PAQR9: variants seen among roughly 807,000 people sequenced by gnomAD.
PAQR9 encodes the protein progestin and adipoQ receptor family member 9.
Under a neutral mutation model 24.0 loss-of-function variants are expected in PAQR9, and 12 were observed. The observed-to-expected ratio is 0.50, with a 90% CI of 0.32 to 0.81. PAQR9 has a LOEUF of 0.81. PAQR9 is among the 30% of genes least tolerant of loss of function. The pLI is 0.03. For missense variants in PAQR9, 418 were observed against 520.8 expected (o/e 0.80, Z 1.92); for synonymous variants, 266 against 237.6 (o/e 1.12, Z -1.10).
chr3:142,949,179 C>T (rs1934683004), exon 3 of PAQR9: 1 of 152,184 alleles, frequency 6.6e-6, no homozygotes, highest in Non-Finnish European at 1.5e-5. Context: ...TGGCTTATTA[C>T]CTGTATCTGT....
rs2108241982 is a variant in PAQR9, at chr3:142,960,256, C to T, written c.*1947G>A. ...GAATTGTGCTGAGCTTCTCTGTTTA[C>T]AGAGAAGTGATTAAAAGCATAAACA... is the stretch of plus-strand genomic sequence containing the variant. On this transcript the variant is annotated 3_prime_UTR_variant, in exon 1 of 1. Coordinates refer to ENST00000340634, the MANE Select transcript of PAQR9 (RefSeq NM_198504.4). 1 of 152,318 alleles carries T rather than the reference C, an allele frequency of 6.6e-6. No homozygotes were observed. The highest frequency in any genetic ancestry group is 6.5e-5 in the Admixed American group (1 of 15,306). 9.4% of individuals were successfully genotyped at this position (152,318 alleles called of 1,614,324 possible).
downstream of PAQR9, among the ~76,000 whole-genome samples, chr3:142,953,541 G>A (rs773059008): frequency 1.3e-5 from 2 of 152,128 alleles, no homozygotes; most frequent in African/African-American, 2.4e-5. Flanking sequence ...CCCCACACTG[G>A]TAAGACACTT....
upstream of PAQR9, chr3:142,963,757 G>C (rs1428364393): frequency 1.2e-5 from 11 of 938,736 alleles, no homozygotes; most frequent in African/African-American, 1.8e-5. Flanking sequence ...CGCGGAGGGA[G>C]GGACGGGCGC....
At position 142,957,345 on chromosome 3, in the gene PAQR9, G is replaced by A. The variant is rs2108240358; in HGVS notation, c.*4858C>T. ...GGCTGACTGCACAGTTGAACTTGCTGCCCCATTCTGACTGTTTGACTCTAA... is the reference window on the plus strand; with the variant it reads ...GGCTGACTGCACAGTTGAACTTGCTACCCCATTCTGACTGTTTGACTCTAA... On this transcript the variant is annotated 3_prime_UTR_variant, in exon 1 of 1. Coordinates refer to ENST00000340634, the MANE Select transcript of PAQR9 (RefSeq NM_198504.4). Among the ~76,000 whole-genome samples the A allele has an allele frequency of 6.6e-6, 1 of 152,284 alleles. No homozygotes were observed. The highest frequency in any genetic ancestry group is 1.9e-4 in the East Asian group (1 of 5,186).
At chr3:142,954,282 C>T (rs1005547045), downstream of PAQR9, among the ~76,000 whole-genome samples, 2 of 152,174 alleles carry the variant, frequency 1.3e-5, no homozygotes, top group Non-Finnish European at 2.9e-5. Flanking sequence ...TTTTGAAAAA[C>T]AGAAAGGTGG....
upstream of PAQR9, chr3:142,963,975 A>C: frequency 1.3e-6 from 1 of 741,382 alleles, no homozygotes. Context: ...GGGGTTCGAA[A>C]CCCGACAGCC....
rs150071656 is a variant in PAQR9, at chr3:142,955,442, T to TAAA, written c.*6758_*6760dup. Among the ~76,000 whole-genome samples the TAAA allele has an allele frequency of 6.0e-3, 129 of 21,610 alleles. 12 individuals are homozygous for TAAA. The highest frequency in any genetic ancestry group is 9.7e-3 in the Non-Finnish European group (96 of 9,914). 14.2% of individuals were successfully genotyped at this position (21,610 alleles called of 152,430 possible). A position where few individuals can be genotyped will look rare whatever the true frequency, so the allele number is the denominator to read the frequency against. ...GAGCGACCACATGGTCTATACAAATTAAAAAAAAAAAAAAAAAAAAAAAAA... is the reference window on the plus strand; with the variant it reads ...GAGCGACCACATGGTCTATACAAATTAAAAAAAAAAAAAAAAAAAAAAAAAAAA... On this transcript the variant is annotated 3_prime_UTR_variant, in exon 1 of 1. Transcript: ENST00000340634.
chr3:142,958,839 C>A lies in PAQR9; in HGVS notation c.*3364G>T, dbSNP rs1051931608. Among the ~76,000 whole-genome samples the A allele has an allele frequency of 1.3e-5, 2 of 152,046 alleles. No homozygotes were observed. The highest frequency in any genetic ancestry group is 4.8e-5 in the African/African-American group (2 of 41,374). On this transcript the variant is annotated 3_prime_UTR_variant, in exon 1 of 1. Coordinates refer to ENST00000340634, the MANE Select transcript of PAQR9 (RefSeq NM_198504.4). ...TTTTACAAGCCAGTCATGACATGAC[C>A]GAGGAACTCATTTCCTCTCTCTGGG...
chr3:142,958,169 A>G lies in PAQR9; in HGVS notation c.*4034T>C, dbSNP rs532676373. 2.6e-5 allele frequency among the ~76,000 whole-genome samples: 4 copies of G among 152,274 alleles called. No homozygotes were observed. The highest frequency in any genetic ancestry group is 1.3e-4 in the Admixed American group (2 of 15,294). On this transcript the variant is annotated 3_prime_UTR_variant, in exon 1 of 1. Coordinates refer to ENST00000340634, the MANE Select transcript of PAQR9 (RefSeq NM_198504.4). ...CAGCAGTGGTAAACTTCAACAGTTG[A>G]AGAACAAGATGGTAACAACCATTTT...
At position 142,963,288 on chromosome 3, in the gene PAQR9, C is replaced by T; in HGVS notation, c.49G>A (p.Ala17Thr). ...GCCCCCGAAGCTGCCGGGGCCGGGGCCGGAGGGCCTTTTGTGCCCGCGCCC... is the reference window on the plus strand; with the variant it reads ...GCCCCCGAAGCTGCCGGGGCCGGGGTCGGAGGGCCTTTTGTGCCCGCGCCC... The part of the protein sequence containing the change: ...PRGAGTKGPP[A>T]PAPAASGAAR... The change falls in exon 1 of 1, where the codon GCC becomes ACC. Residue 17 changes from alanine (A) to threonine (T), a missense_variant. Transcript: ENST00000340634. 6.8e-7 allele frequency: 1 copy of T among 1,462,206 alleles called. No individual in the cohort carries two copies. Among genetic ancestry groups the T allele is most frequent in the African/African-American group, 1.4e-5 (1 of 69,530 alleles). The allele number at this position is 1,462,206 out of a possible 1,614,324, so 90.6% of individuals were successfully genotyped here. A position where few individuals can be genotyped will look rare whatever the true frequency, so the allele number is the denominator to read the frequency against.
chr3:142,952,799 T>C (rs1056019414), downstream of PAQR9: 9 of 456,654 alleles, frequency 2.0e-5, no homozygotes, highest in East Asian at 6.3e-4. Context: ...ACCTGCCTTC[T>C]GCTGCTTTTT....
At chr3:142,950,630 T>C (rs1393698962), downstream of PAQR9, 1 of 408,438 alleles carries the variant, frequency 2.4e-6, no homozygotes, top group East Asian at 7.2e-5. Flanking sequence ...TGAAAGGCTA[T>C]GGGGTAACTC....
rs1365199848 is a variant in PAQR9, at chr3:142,956,501, A to G, written c.*5702T>C. Reference sequence around the variant, plus strand: ...ACAAAAGCATTAAAGCAAGTGCATTACATTTAGAAGCACAATACATTGGGA... The same window carrying G: ...ACAAAAGCATTAAAGCAAGTGCATTGCATTTAGAAGCACAATACATTGGGA... On this transcript the variant is annotated 3_prime_UTR_variant, in exon 1 of 1. Transcript: ENST00000340634. Among the ~76,000 whole-genome samples the G allele has an allele frequency of 6.6e-6, 1 of 152,280 alleles. No individual in the cohort carries two copies. The highest frequency in any genetic ancestry group is 2.4e-5 in the African/African-American group (1 of 41,482).
chr3:142,954,557 A>G (rs1343570296), downstream of PAQR9, among the ~76,000 whole-genome samples: 1 of 152,258 alleles, frequency 6.6e-6, no homozygotes, highest in Non-Finnish European at 1.5e-5. Context: ...ACTGTTGGAC[A>G]TGCACAGATG....
rs1020958505 is a variant in PAQR9 at position 142,959,827 on chromosome 3, G to A, written c.*2376C>T. Among the ~76,000 whole-genome samples, 1 of 152,204 alleles carries A rather than the reference G, an allele frequency of 6.6e-6. No homozygotes were observed. Among genetic ancestry groups the A allele is most frequent in the African/African-American group, 2.4e-5 (1 of 41,446 alleles). On this transcript the variant is annotated 3_prime_UTR_variant, in exon 1 of 1. Coordinates refer to ENST00000340634, the MANE Select transcript of PAQR9 (RefSeq NM_198504.4). ...CTTGCTAGAAGTCTTCCTCCTGAAA[G>A]TTCCTTCTGAAATTGAGGTCCCATT...
At position 142,962,187 on chromosome 3, in the gene PAQR9, C is replaced by G; in HGVS notation, c.*16G>C. ...AAACAGATGGGCGAACCAGTAGTCT[C>G]CTCCAAGGCGGAGGCTCACTTTTTA... is the stretch of plus-strand genomic sequence containing the variant. On this transcript the variant is annotated 3_prime_UTR_variant, in exon 1 of 1. Coordinates refer to ENST00000340634, the MANE Select transcript of PAQR9 (RefSeq NM_198504.4). The G allele has an allele frequency of 6.2e-7, 1 of 1,610,030 alleles. No individual in the cohort carries two copies.
rs916391478 is a variant in PAQR9, at chr3:142,962,135, A to G, written c.*68T>C. 1.1e-5 allele frequency: 16 copies of G among 1,504,290 alleles called. No homozygotes were observed. The highest frequency in any genetic ancestry group is 1.4e-5 in the Non-Finnish European group (15 of 1,104,870). The allele number at this position is 1,504,290 out of a possible 1,614,324, so 93.2% of individuals were successfully genotyped here. ...AAAACACAATGAAATTTGAAAACAA[A>G]CCAACAATAGCAACAACAGAAACTC... On this transcript the variant is annotated 3_prime_UTR_variant, in exon 1 of 1. Coordinates refer to ENST00000340634, the MANE Select transcript of PAQR9 (RefSeq NM_198504.4).
chr3:142,963,882 G>A, upstream of PAQR9: 1 of 985,342 alleles, frequency 1.0e-6, no homozygotes, highest in Non-Finnish European at 1.2e-6. Flanking sequence ...CGCAGCCCGG[G>A]CCGCCCCGTT....
chr3:142,950,201 T>C (rs1934694599), downstream of PAQR9: 1 of 152,858 alleles, frequency 6.5e-6, no homozygotes, highest in African/African-American at 2.4e-5. Context: ...GTTCTCATGC[T>C]TGCTCTGTTT....
Sources: gnomAD v4.1 joint callset for allele counts (sites outside exome capture counted in the v4.1 genomes callset) on GRCh38, gnomAD v4.1.1 for gene constraint, MANE v1.5 for transcripts, NCBI Gene and HGNC (gene_info 2026-07-23, HGNC 2026-07-21) for gene names.